Variants in NMD3 observed in about 807,000 individuals in gnomAD.
The protein encoded by NMD3 is 60S ribosomal export protein NMD3.
Under a neutral mutation model 73.1 loss-of-function variants are expected in NMD3, and 47 were observed. That is an observed-to-expected ratio of 0.64 (90% CI 0.51 to 0.82). NMD3 has a LOEUF of 0.82. Ranked by LOEUF, NMD3 falls within the 40% of genes least tolerant of loss-of-function variation. NMD3 has a pLI of 0.00. For missense variants in NMD3, 554 were observed against 612.5 expected, an observed-to-expected ratio of 0.90 and a Z score of 1.01; for synonymous variants, 210 against 194.5, an observed-to-expected ratio of 1.08 and a Z score of -0.66.
intron 3 of NMD3, among the ~76,000 whole-genome samples, chr3:161,225,904 CTG>C (rs1033744636): frequency 7.9e-5 from 12 of 151,832 alleles, no homozygotes; most frequent in South Asian, 6.2e-4. Context: ...ACACATGAAA[CTG>C]TGTACTGTTT....
chr3:161,242,871 G>T (rs772639251), intron 11 of NMD3, among the ~76,000 whole-genome samples: 55 of 151,552 alleles, frequency 3.6e-4, no homozygotes, highest in Non-Finnish European at 7.2e-4. Flanking sequence ...TCTCTTTTGT[G>T]TAGGAAAAAT....
Position 161,250,847 on chromosome 3 carries a change from G to A in NMD3, c.1449G>A (p.Met483Ile). The A allele has an allele frequency of 6.2e-7, 1 of 1,612,322 alleles. No individual in the cohort carries two copies. The highest frequency in any genetic ancestry group is 8.5e-7 in the Non-Finnish European group (1 of 1,178,494). ...EGAPRISLAE[M>I]LEDLHISQDA... ...CACCTCGAATTAGTCTGGCTGAGAT[G>A]CTTGAAGACCTTCATATTTCCCAAG... Residue 483 changes from methionine to isoleucine, a missense_variant, in exon 16 of 16, where the codon ATG (methionine) becomes ATA (isoleucine). Transcript: ENST00000351193.
chr3:161,242,262 C>A (rs556073073), intron 10 of NMD3, among the ~76,000 whole-genome samples: 20 of 152,034 alleles, frequency 1.3e-4, no homozygotes, highest in African/African-American at 4.6e-4. Flanking sequence ...AGGCACTTAG[C>A]CCTGTGGCAT....
At chr3:161,239,527 T>C (rs1223360659) in intron 9 of NMD3, among the ~76,000 whole-genome samples, 1 of 152,178 alleles carries the variant, frequency 6.6e-6, no homozygotes, top group Non-Finnish European at 1.5e-5. Context: ...ATCTAGATAC[T>C]TTAGTGTCTT....
chr3:161,234,684 T>A (rs1560068156), intron 5 of NMD3, 43 bp from the exon 6 acceptor site: 1 of 1,533,186 alleles, frequency 6.5e-7, no homozygotes, highest in Non-Finnish European at 8.9e-7. Flanking sequence ...TATTTGTTAT[T>A]AAACAAAACC....
chr3:161,231,543 C>G (rs1736545485), intron 4 of NMD3, among the ~76,000 whole-genome samples: 2 of 152,084 alleles, frequency 1.3e-5, no homozygotes, highest in South Asian at 2.1e-4. Context: ...GAAATGAAAA[C>G]AAGTGATACA....
chr3:161,249,240 A>G (rs919531159), intron 13 of NMD3, among the ~76,000 whole-genome samples: 16 of 152,246 alleles, frequency 1.1e-4, no homozygotes, highest in African/African-American at 3.1e-4. Context: ...AATTTTAACA[A>G]TTGTACAAAT....
chr3:161,242,186 G>A (rs924908104), intron 10 of NMD3, among the ~76,000 whole-genome samples: 8 of 152,060 alleles, frequency 5.3e-5, no homozygotes, highest in Admixed American at 4.6e-4. Flanking sequence ...TGACAGATAC[G>A]TTTCTAAAAT....
At chr3:161,244,186 G>A (rs969423087) in intron 11 of NMD3, among the ~76,000 whole-genome samples, 9 of 152,076 alleles carry the variant, frequency 5.9e-5, no homozygotes, top group African/African-American at 1.4e-4. Context: ...GCTGGAGTGC[G>A]GTATGGCTTC....
At chr3:161,225,117 A>AATACGGCG in intron 3 of NMD3, 53 bp downstream of exon 3, 1 of 1,519,392 alleles carries the variant, frequency 6.6e-7, no homozygotes, top group Admixed American at 1.9e-5. Flanking sequence ...ACATTTAGAG[A>AATACGGCG]ACCACCGAGA....
chr3:161,227,177 G>T, intron 3 of NMD3, 70 bp from the exon 4 acceptor site: 1 of 924,486 alleles, frequency 1.1e-6, no homozygotes, highest in Non-Finnish European at 1.7e-6. Context: ...GGTTATATCT[G>T]TGTATTCAGA....
intron 1 of NMD3, chr3:161,221,679 A>G (rs1048532471): frequency 2.1e-5 from 4 of 191,614 alleles, no homozygotes; most frequent in East Asian, 2.5e-4. Context: ...GGGCGTCCAC[A>G]ATCCCGAGCT....
At position 161,251,522 on chromosome 3, in the gene NMD3, A is replaced by G. The variant is rs1737487478; in HGVS notation, c.*612A>G. ...TCTTAATTTTTATTGCAGTAGGAGG[A>G]AATATATTTAAAATATTTGTAGATT... On this transcript the variant is annotated 3_prime_UTR_variant, in exon 16 of 16. Transcript: ENST00000351193. The G allele has an allele frequency of 6.6e-6, 1 of 152,110 alleles. No homozygotes were observed. Among genetic ancestry groups the G allele is most frequent in the Non-Finnish European group, 1.5e-5 (1 of 68,010 alleles). 9.4% of individuals were successfully genotyped at this position (152,110 alleles called of 1,614,324 possible). A position where few individuals can be genotyped will look rare whatever the true frequency, so the allele number is the denominator to read the frequency against.
chr3:161,234,430 CA>C (rs1474181323), intron 5 of NMD3, among the ~76,000 whole-genome samples: 1 of 118,566 alleles, frequency 8.4e-6, no homozygotes, highest in African/African-American at 4.0e-5. Flanking sequence ...GACCCTGTCT[CA>C]AAAAAAATTA....
In NMD3 at chr3:161,242,610, A is replaced by G. The variant is rs775290684; in HGVS notation, c.974A>G (p.Gln325Arg). ...EFIVMECSIV[Q>R]DIKRAAGAGM... ...ATTGTGATGGAATGCAGCATAGTCCAAGATATAAAACGTGCTGCAGGTGCT... is the reference window on the plus strand; with the variant it reads ...ATTGTGATGGAATGCAGCATAGTCCGAGATATAAAACGTGCTGCAGGTGCT... The change falls in exon 11 of 16, where the codon CAA (glutamine) becomes CGA (arginine). Residue 325 changes from glutamine (Q) to arginine (R), a missense_variant. Physicochemically the swap from Gln to Arg is conservative, Grantham distance 43 (BLOSUM62 1). Coordinates refer to ENST00000351193, the MANE Select transcript of NMD3 (RefSeq NM_015938.5). The G allele has an allele frequency of 6.2e-7, 1 of 1,613,622 alleles. No homozygotes were observed. The highest frequency in any genetic ancestry group is 8.5e-7 in the Non-Finnish European group (1 of 1,179,700).
At chr3:161,244,771 C>A (rs1030094281) in intron 11 of NMD3, among the ~76,000 whole-genome samples, 2 of 151,832 alleles carry the variant, frequency 1.3e-5, no homozygotes, top group African/African-American at 4.8e-5. Context: ...AGCATGCTGC[C>A]ACACCTGTCT....
At chr3:161,246,614 G>A (rs1737217858) in intron 12 of NMD3, among the ~76,000 whole-genome samples, 166 bp downstream of exon 12, 1 of 152,066 alleles carries the variant, frequency 6.6e-6, no homozygotes, top group Non-Finnish European at 1.5e-5. Flanking sequence ...AAACTGGGTT[G>A]GACAGAAGCC....
intron 4 of NMD3, among the ~76,000 whole-genome samples, chr3:161,229,417 A>G (rs1176804922): frequency 6.6e-6 from 1 of 152,128 alleles, no homozygotes. Flanking sequence ...ATGTAGCTGG[A>G]TGTGTTTTTG....
intron 7 of NMD3, among the ~76,000 whole-genome samples, chr3:161,236,189 T>G (rs1186757942): frequency 6.6e-6 from 1 of 152,100 alleles, no homozygotes; most frequent in East Asian, 1.9e-4. Flanking sequence ...AGCAAGCACC[T>G]CAGCTGTTTC....
Sources: allele counts gnomAD v4.1 joint callset (sites outside exome capture counted in the v4.1 genomes callset), GRCh38; gene constraint gnomAD v4.1.1; transcripts MANE v1.5; gene names NCBI Gene and HGNC (gene_info 2026-07-23, HGNC 2026-07-21).